Variants in XKR4 observed in about 807,000 individuals in gnomAD.
XKR4 encodes the protein XK-related protein 4.
XKR4 carries 12 observed loss-of-function variants against 53.9 expected under a neutral mutation model. The observed-to-expected ratio is 0.22, with a 90% CI of 0.14 to 0.36. The LOEUF is 0.36. XKR4 is among the 10% of genes least tolerant of loss of function. The pLI, the probability that XKR4 is intolerant of heterozygous loss-of-function variation, is 1.00. For missense variants in XKR4, 799 were observed against 859.5 expected (o/e 0.93, Z 0.88); for synonymous variants, 354 against 362.4 (o/e 0.98, Z 0.26).
At chr8:55,309,747 C>A (rs892754699) in intron 1 of XKR4, among the ~76,000 whole-genome samples, 13 of 152,210 alleles carry the variant, frequency 8.5e-5, no homozygotes, top group African/African-American at 2.9e-4. Flanking sequence ...CAACAATTAT[C>A]TCAGTACAAT....
chr8:55,216,105 GAATT>G (rs1817793452), intron 1 of XKR4, among the ~76,000 whole-genome samples: 3 of 152,234 alleles, frequency 2.0e-5, no homozygotes, highest in South Asian at 2.1e-4. Flanking sequence ...TTTTATAGAG[GAATT>G]AATTAAGTGG....
chr8:55,432,861 T>C (rs376356573), intron 2 of XKR4, among the ~76,000 whole-genome samples: 18 of 152,150 alleles, frequency 1.2e-4, no homozygotes, highest in African/African-American at 4.3e-4. Flanking sequence ...GAAAGGAAGA[T>C]CATGGAATGC....
chr8:55,368,529 T>G (rs1397189690), intron 2 of XKR4, among the ~76,000 whole-genome samples: 1 of 152,116 alleles, frequency 6.6e-6, no homozygotes, highest in Non-Finnish European at 1.5e-5. Context: ...ACATAGCTCA[T>G]CCCTTTCCAA....
chr8:55,281,871 C>T (rs1818848331), intron 1 of XKR4, among the ~76,000 whole-genome samples: 1 of 151,456 alleles, frequency 6.6e-6, no homozygotes, highest in South Asian at 2.1e-4. Flanking sequence ...ATTAACAATT[C>T]TGAATTGCTC....
intron 2 of XKR4, among the ~76,000 whole-genome samples, chr8:55,421,521 T>C (rs7819321): frequency 0.14 from 20,915 of 151,966 alleles, 3,067 homozygotes; most frequent in African/African-American, 0.37. Flanking sequence ...CATCGCACCT[T>C]GGCATCTCTC....
chr8:55,359,260 G>C (rs71519409), intron 2 of XKR4, among the ~76,000 whole-genome samples: 2,249 of 152,298 alleles, frequency 0.015, 31 homozygotes, highest in Non-Finnish European at 0.024. Context: ...GGCATGCAGA[G>C]GCCTGGGCTC....
intron 1 of XKR4, among the ~76,000 whole-genome samples, chr8:55,144,926 G>A (rs1816751779): frequency 6.6e-6 from 1 of 151,854 alleles, no homozygotes. Context: ...CCACCTCCAG[G>A]GTTCAAGCGA....
At chr8:55,199,555 C>T (rs1817546814) in intron 1 of XKR4, among the ~76,000 whole-genome samples, 2 of 152,140 alleles carry the variant, frequency 1.3e-5, no homozygotes, top group South Asian at 2.1e-4. Flanking sequence ...TGAGGGGGAA[C>T]AGAGGCTCAG....
At chr8:55,484,371 G>T (rs1437748770) in intron 2 of XKR4, among the ~76,000 whole-genome samples, 2 of 152,100 alleles carry the variant, frequency 1.3e-5, no homozygotes, top group East Asian at 3.8e-4. Flanking sequence ...AATGCAAAAA[G>T]AAAACTCCAG....
At chr8:55,498,642 G>C (rs138979647) in intron 2 of XKR4, among the ~76,000 whole-genome samples, 3 of 152,120 alleles carry the variant, frequency 2.0e-5, no homozygotes, top group Admixed American at 6.5e-5. Context: ...GGCCAGTAGC[G>C]TGTACCTGTA....
intron 2 of XKR4, among the ~76,000 whole-genome samples, chr8:55,433,547 T>C (rs1453149400): frequency 6.6e-6 from 1 of 152,266 alleles, no homozygotes; most frequent in Non-Finnish European, 1.5e-5. Flanking sequence ...AGTTTCACTT[T>C]CTATGAGTCT....
intron 1 of XKR4, among the ~76,000 whole-genome samples, chr8:55,315,380 T>C (rs983119333): frequency 9.2e-5 from 14 of 152,198 alleles, no homozygotes; most frequent in Non-Finnish European, 1.5e-4. Flanking sequence ...AGCATGTTCT[T>C]ATTAATATTG....
intron 2 of XKR4, chr8:55,452,871 G>T (rs1585581334): frequency 2.6e-6 from 2 of 774,954 alleles, no homozygotes; most frequent in Non-Finnish European, 4.7e-6. Context: ...GCTGTCCAGA[G>T]GCAGCAGGAG....
intron 1 of XKR4, among the ~76,000 whole-genome samples, chr8:55,120,756 A>G (rs1327738932): frequency 6.6e-6 from 1 of 152,142 alleles, no homozygotes; most frequent in Non-Finnish European, 1.5e-5. Context: ...TATAGTTTAC[A>G]TTAGGGTTCA....
chr8:55,260,560 A>G (rs953881050), intron 1 of XKR4, among the ~76,000 whole-genome samples: 2 of 152,142 alleles, frequency 1.3e-5, no homozygotes, highest in African/African-American at 4.8e-5. Context: ...AAAGAAAAAG[A>G]AAAAAAGAGA....
chr8:55,199,667 T>A (rs565977100), intron 1 of XKR4, among the ~76,000 whole-genome samples: 2 of 152,292 alleles, frequency 1.3e-5, no homozygotes, highest in East Asian at 3.9e-4. Context: ...ACATGCCAAC[T>A]CTTCTGATCA....
At chr8:55,451,761 G>T in intron 2 of XKR4, 1 of 1,105,420 alleles carries the variant, frequency 9.0e-7, no homozygotes, top group Non-Finnish European at 1.4e-6. Flanking sequence ...GGCTCAGGCG[G>T]CTGCTCAGGG....
chr8:55,392,561 C>T (rs1038176488), intron 2 of XKR4, among the ~76,000 whole-genome samples: 3 of 152,106 alleles, frequency 2.0e-5, no homozygotes, highest in East Asian at 1.9e-4. Context: ...GAGGCTGAGG[C>T]GGGTAGATTG....
chr8:55,103,270 T>A lies in XKR4; in HGVS notation c.782T>A (p.Ile261Asn). 6.2e-7 allele frequency: 1 copy of A among 1,609,420 alleles called. No individual in the cohort carries two copies. The highest frequency in any genetic ancestry group is 1.3e-5 in the African/African-American group (1 of 74,966). Reference protein sequence around the residue: ...CIWLLQSLIHILQLGQIWRYF... With the variant: ...CIWLLQSLIHNLQLGQIWRYF... ...TGGCTCCTGCAGTCACTCATCCACA[T>A]CTTGCAGCTCGGGCAAATCTGGAGG... is the stretch of plus-strand genomic sequence containing the variant. The change falls in exon 1 of 3, where the codon ATC (isoleucine) becomes AAC (asparagine). Residue 261 changes from isoleucine to asparagine, a missense_variant. Physicochemically the swap from Ile to Asn is moderately radical, Grantham distance 149. Transcript: ENST00000327381.
Sources: gnomAD v4.1 joint callset for allele counts (sites outside exome capture counted in the v4.1 genomes callset) on GRCh38, gnomAD v4.1.1 for gene constraint, MANE v1.5 for transcripts, NCBI Gene and HGNC (gene_info 2026-07-23, HGNC 2026-07-21) for gene names.